BLACAT1: variants seen among roughly 807,000 people sequenced by gnomAD.
BLACAT1 encodes BLACAT1 overlapping LEMD1 locus, also known as bladder cancer associated transcript 1.
Position 205,451,552 on chromosome 1 carries a change from G to C in BLACAT1, c.-37+4365C>G, listed in dbSNP as rs570446678. 2.2e-3 allele frequency among the ~76,000 whole-genome samples: 340 copies of C among 152,196 alleles called. 1 individual carries two copies. Among genetic ancestry groups the C allele is most frequent in the Non-Finnish European group, 2.4e-3 (162 of 68,018 alleles). ...GCCCTGCCGCCTGTGGCAGGAGTTGGGGGGAGTGGTCGGGGGGGTAACCAA... is the reference window on the plus strand; with the variant it reads ...GCCCTGCCGCCTGTGGCAGGAGTTGCGGGGAGTGGTCGGGGGGGTAACCAA... On this transcript the variant is annotated intron_variant, in intron 1 of 1. Coordinates refer to ENST00000629624, the Ensembl canonical transcript of BLACAT1.
intron 1 of BLACAT1, among the ~76,000 whole-genome samples, chr1:205,446,437 C>T (rs1666390362): frequency 6.6e-6 from 1 of 152,234 alleles, no homozygotes; most frequent in Non-Finnish European, 1.5e-5. Context: ...CTCAGCCATC[C>T]CTACAAAGTC....
chr1:205,451,010 G>C (rs11240483), intron 1 of BLACAT1, among the ~76,000 whole-genome samples: 1 of 152,036 alleles, frequency 6.6e-6, no homozygotes, highest in Non-Finnish European at 1.5e-5. Flanking sequence ...GTCTCCTCTG[G>C]GGCCACCACA....
intron 1 of BLACAT1, among the ~76,000 whole-genome samples, chr1:205,452,894 A>G (rs932461896): frequency 1.3e-5 from 2 of 152,338 alleles, no homozygotes; most frequent in Admixed American, 6.5e-5. Context: ...TATACATTCA[A>G]TGAATGAATG....
At chr1:205,440,084 A>C (rs973808401) in exon 2 of BLACAT1, among the ~76,000 whole-genome samples, 1 of 152,082 alleles carries the variant, frequency 6.6e-6, no homozygotes, top group African/African-American at 2.4e-5. Flanking sequence ...GAGAAGAAAA[A>C]GGCAGGGGAG....
At chr1:205,445,620 A>G (rs538773920) in intron 1 of BLACAT1, among the ~76,000 whole-genome samples, 2 of 152,336 alleles carry the variant, frequency 1.3e-5, no homozygotes, top group East Asian at 3.9e-4. Flanking sequence ...AGGGCAGCCA[A>G]GCATTCTCAG....
intron 1 of BLACAT1, among the ~76,000 whole-genome samples, chr1:205,446,775 G>A (rs1406545432): frequency 6.6e-6 from 1 of 152,200 alleles, no homozygotes; most frequent in Non-Finnish European, 1.5e-5. Context: ...CTGGGTGAGA[G>A]AACCCAGAGG....
chr1:205,454,255 C>T (rs1666534648), intron 1 of BLACAT1, among the ~76,000 whole-genome samples: 2 of 152,168 alleles, frequency 1.3e-5, no homozygotes, highest in South Asian at 2.1e-4. Context: ...TCAGAGCAGT[C>T]ACGTCAGCAG....
intron 1 of BLACAT1, among the ~76,000 whole-genome samples, chr1:205,452,377 C>T (rs1309137632): frequency 6.6e-6 from 1 of 152,176 alleles, no homozygotes; most frequent in Non-Finnish European, 1.5e-5. Context: ...ACCATTACCC[C>T]TCCGCAGCAG....
intron 1 of BLACAT1, among the ~76,000 whole-genome samples, chr1:205,444,192 G>A (rs1666344033): frequency 6.6e-6 from 1 of 151,890 alleles, no homozygotes; most frequent in Non-Finnish European, 1.5e-5. Flanking sequence ...ACAGCCCCCA[G>A]AAAAACAGAA....
chr1:205,451,321 T>C lies in BLACAT1; in HGVS notation c.-37+4596A>G, dbSNP rs572297637. ...CACACCTACCACCAGTGGCCTCCTC[T>C]CCACTTCAGGAGTTTCCACCCCTCC... On this transcript the variant is annotated intron_variant, in intron 1 of 1. Coordinates refer to ENST00000629624, the Ensembl canonical transcript of BLACAT1. Among the ~76,000 whole-genome samples the C allele has an allele frequency of 3.9e-5, 6 of 152,262 alleles. No homozygotes were observed. The East Asian group carries it at 9.6e-4, about 24-fold the overall frequency.
chr1:205,449,616 C>T (rs1051122602), intron 1 of BLACAT1, among the ~76,000 whole-genome samples: 4 of 150,128 alleles, frequency 2.7e-5, no homozygotes, highest in East Asian at 1.9e-4. Context: ...CAGCACAGCA[C>T]GCCCCTCCAC....
intron 1 of BLACAT1, among the ~76,000 whole-genome samples, chr1:205,445,814 C>T (rs1300022171): frequency 4.6e-5 from 7 of 152,204 alleles, no homozygotes; most frequent in Admixed American, 3.3e-4. Flanking sequence ...CCAGAATGAA[C>T]CCCAAAGGTC....
chr1:205,435,885 T>C (rs1357967493), downstream of BLACAT1: 1 of 152,144 alleles, frequency 6.6e-6, no homozygotes, highest in Admixed American at 6.5e-5. Context: ...GGCTGAGGGG[T>C]GACCTTAGGG....
intron 1 of BLACAT1, among the ~76,000 whole-genome samples, chr1:205,452,704 C>G (rs1666513179): frequency 6.6e-6 from 1 of 152,214 alleles, no homozygotes; most frequent in Admixed American, 6.5e-5. Context: ...CTTATGTACC[C>G]TTTGCAGGGA....
At chr1:205,449,664 C>G (rs1483500719) in intron 1 of BLACAT1, among the ~76,000 whole-genome samples, 1 of 152,184 alleles carries the variant, frequency 6.6e-6, no homozygotes, top group Non-Finnish European at 1.5e-5. Context: ...GCCAAACAAC[C>G]AGGCATCCTG....
intron 1 of BLACAT1, among the ~76,000 whole-genome samples, chr1:205,451,615 AG>A (rs1331150214): frequency 1.3e-5 from 2 of 152,116 alleles, no homozygotes; most frequent in East Asian, 1.9e-4. Context: ...AACAGGAGTG[AG>A]GGGGAGATGG....
rs368899698 is a variant in BLACAT1, at chr1:205,448,991, A to T, written c.-37+6926T>A. ...CAGACCAGTCTGGGTGGTTACCGAC[A>T]ACACCCATTCTTGCATAGTTTAGAG... On this transcript the variant is annotated intron_variant, in intron 1 of 1. Transcript: ENST00000629624. The surrounding 1 kb of genome is among the most constrained non-coding windows in gnomAD (Gnocchi z 4.7). 6.6e-6 allele frequency among the ~76,000 whole-genome samples: 1 copy of T among 152,096 alleles called. No individual in the cohort carries two copies. Among genetic ancestry groups the T allele is most frequent in the African/African-American group, 2.4e-5 (1 of 41,426 alleles).
At position 205,441,176 on chromosome 1, in the gene BLACAT1, C is replaced by T. The variant is rs1410880671; in HGVS notation, c.-36-114G>A. On this transcript the variant is annotated intron_variant, in intron 1 of 1. Transcript: ENST00000629624. This position sits in a 1 kb window ranked among gnomAD's most constrained non-coding sequence, Gnocchi z 4.3. The stretch of plus-strand genomic sequence containing the variant: ...GGTCTGGCCCAGTCATTGCCACTCC[C>T]TGAGGCGGCCCGCTAGGTCTCTCAC... 6.6e-6 allele frequency: 1 copy of T among 152,278 alleles called. No homozygotes were observed. Among genetic ancestry groups the T allele is most frequent in the Admixed American group, 6.5e-5 (1 of 15,278 alleles). The allele number at this position is 152,278 out of a possible 1,614,324, so 9.4% of individuals were successfully genotyped here.
chr1:205,445,776 G>A (rs911029861), intron 1 of BLACAT1, among the ~76,000 whole-genome samples: 1 of 152,174 alleles, frequency 6.6e-6, no homozygotes, highest in African/African-American at 2.4e-5. Context: ...AGCAGCAGCT[G>A]GGAACCTGGT....
Sources: allele counts gnomAD v4.1 joint callset (sites outside exome capture counted in the v4.1 genomes callset), GRCh38; gene constraint gnomAD v4.1.1; non-coding constraint Gnocchi (gnomAD v3.1); transcripts MANE v1.5; gene names NCBI Gene and HGNC (gene_info 2026-07-23, HGNC 2026-07-21).